PHC2: variants seen among roughly 807,000 people sequenced by gnomAD.
The protein encoded by PHC2 is polyhomeotic-like protein 2.
A neutral mutation model predicts 87.4 loss-of-function variants in PHC2; 29 were observed. The observed-to-expected ratio is 0.33, with a 90% CI of 0.25 to 0.45. PHC2 has a LOEUF of 0.45. Ranked by LOEUF, PHC2 falls within the 20% of genes least tolerant of loss-of-function variation. The pLI, the probability that PHC2 is intolerant of heterozygous loss-of-function variation, is 1.00. For missense variants in PHC2, 857 were observed against 1,136.7 expected, an observed-to-expected ratio of 0.75 and a Z score of 3.54; for synonymous variants, 438 against 461.7, an observed-to-expected ratio of 0.95 and a Z score of 0.66.
chr1:33,405,894 G>A (rs979215446), intron 1 of PHC2, among the ~76,000 whole-genome samples: 5 of 152,188 alleles, frequency 3.3e-5, no homozygotes, highest in Non-Finnish European at 7.3e-5. Flanking sequence ...GTTGACACTA[G>A]CTCTGTGATC....
rs191714985 is a variant in PHC2, at chr1:33,423,172, G to A, written c.-55+7804C>T. 5.3e-5 allele frequency among the ~76,000 whole-genome samples: 8 copies of A among 152,114 alleles called. No individual in the cohort carries two copies. In the East Asian group the frequency reaches 5.8e-4, roughly 11 times the overall value. On this transcript the variant is annotated intron_variant, in intron 1 of 14. Coordinates refer to ENST00000683057, the MANE Select transcript of PHC2 (RefSeq NM_001385109.1). ...TCCAACTGCCTCTCTGCAGGCCAGC[G>A]GAAGATACTGTGCTTGGAACATAAC... is the stretch of plus-strand genomic sequence containing the variant.
intron 1 of PHC2, among the ~76,000 whole-genome samples, chr1:33,391,408 G>T (rs2148361838): frequency 6.6e-6 from 1 of 152,312 alleles, no homozygotes; most frequent in East Asian, 1.9e-4. Context: ...ACTCAGAAAG[G>T]GGATTTGAGC....
chr1:33,372,580 GCCAATT>G, intron 2 of PHC2, 133 bp from the exon 3 acceptor site: 1 of 648,470 alleles, frequency 1.5e-6, no homozygotes, highest in Non-Finnish European at 2.4e-6. Flanking sequence ...CACCACCACA[GCCAATT>G]GTGGCCACTC....
chr1:33,413,111 C>T (rs1000195354), intron 1 of PHC2, among the ~76,000 whole-genome samples: 1 of 152,156 alleles, frequency 6.6e-6, no homozygotes, highest in African/African-American at 2.4e-5. Flanking sequence ...GGATTATAGG[C>T]ATGTGCCACC....
chr1:33,368,129 C>T lies in PHC2; in HGVS notation c.663+407G>A, dbSNP rs368002914. 3.3e-5 allele frequency among the ~76,000 whole-genome samples: 5 copies of T among 152,232 alleles called. No homozygotes were observed. Among genetic ancestry groups the T allele is most frequent in the Admixed American group, 6.5e-5 (1 of 15,290 alleles). ...TGTGCGCTCCTAGCAGAGCAGGACACGTCTCTGCTCCCTCTTACATGTCAT... is the reference window on the plus strand; with the variant it reads ...TGTGCGCTCCTAGCAGAGCAGGACATGTCTCTGCTCCCTCTTACATGTCAT... On this transcript the variant is annotated intron_variant, in intron 6 of 14. Transcript: ENST00000683057. This position sits in a 1 kb window ranked among gnomAD's most constrained non-coding sequence, Gnocchi z 6.6.
In PHC2 at chr1:33,329,008, G is replaced by A. The variant is rs1187659551; in HGVS notation, c.2287C>T (p.Arg763Trp). The A allele has an allele frequency of 4.3e-6, 7 of 1,614,218 alleles. No individual in the cohort carries two copies. The highest frequency in any genetic ancestry group is 2.5e-6 in the Non-Finnish European group (3 of 1,180,046). Residue 763 changes from arginine (R) to tryptophan (W), a missense_variant, in exon 14 of 15, where the codon CGG becomes TGG. This residue lies in a region of PHC2 where 832 missense variants were observed against 1,081.8 expected (regional missense o/e 0.77). Coordinates refer to ENST00000683057, the MANE Select transcript of PHC2 (RefSeq NM_001385109.1). Reference protein sequence around the residue: ...PISASSSTSRRRQGQRDLELP... With the variant: ...PISASSSTSRWRQGQRDLELP... ...TCCAGGTCCCGCTGGCCTTGTCGCC[G>A]GCGGGAAGTAGATGAGCTGGCTGAG...
At chr1:33,390,393 G>A (rs889826889) in intron 1 of PHC2, among the ~76,000 whole-genome samples, 4 of 152,088 alleles carry the variant, frequency 2.6e-5, no homozygotes, top group Admixed American at 6.5e-5. Context: ...CCATTAGTAC[G>A]AACTTCTGGA....
At chr1:33,397,060 C>G (rs1274975701) in intron 1 of PHC2, among the ~76,000 whole-genome samples, 1 of 152,234 alleles carries the variant, frequency 6.6e-6, no homozygotes, top group Non-Finnish European at 1.5e-5. Flanking sequence ...ATTCACCTCT[C>G]TAAGCCTTAG....
rs776663665 is a variant in PHC2, at chr1:33,354,596, C to T, written c.1393-30G>A. The T allele has an allele frequency of 2.4e-5, 38 of 1,596,348 alleles. No homozygotes were observed. The South Asian group carries it at 4.2e-4, about 18-fold the overall frequency. On this transcript the variant is annotated intron_variant, in intron 8 of 14. Coordinates refer to ENST00000683057, the MANE Select transcript of PHC2 (RefSeq NM_001385109.1). ...CAAAGGACAGGACAGAGAGGGGGGC[C>T]TCTCAGAAATAGCCTTTGCATTCTT... is the stretch of plus-strand genomic sequence containing the variant.
rs1418299840 is a variant in PHC2 at position 33,333,861 on chromosome 1, A to C, written c.1761+229T>G. On this transcript the variant is annotated intron_variant, in intron 10 of 14. Coordinates refer to ENST00000683057, the MANE Select transcript of PHC2 (RefSeq NM_001385109.1). Reference sequence around the variant, plus strand: ...GGACACACCTGAGTTTGTGTGGGAAACTTCTAACCAAGGGTCTTGTCAATT... The same window carrying C: ...GGACACACCTGAGTTTGTGTGGGAACCTTCTAACCAAGGGTCTTGTCAATT... 2.0e-5 allele frequency: 10 copies of C among 503,374 alleles called. No homozygotes were observed. In the Admixed American group the frequency reaches 3.5e-4, roughly 18 times the overall value. 31.2% of individuals were successfully genotyped at this position (503,374 alleles called of 1,614,324 possible). A position where few individuals can be genotyped will look rare whatever the true frequency, so the allele number is the denominator to read the frequency against.
At position 33,370,460 on chromosome 1, in the gene PHC2, C is replaced by T. The variant is rs1439761453; in HGVS notation, c.537G>A (p.Leu179=). The change falls in exon 5 of 15, where the codon CTG becomes CTA. Residue 179 remains leucine (L), a synonymous_variant. Coordinates refer to ENST00000683057, the MANE Select transcript of PHC2 (RefSeq NM_001385109.1). ...GATACATCTGTGCTTGGCTTGCAGT[C>T]AGGGCTGGGGAAGACGTGTTGCCCA... The part of the protein sequence containing the change: ...VLLGNTSSPA[L]TASQAQMYLR... The T allele has an allele frequency of 2.5e-6, 4 of 1,614,110 alleles. No homozygotes were observed. The highest frequency in any genetic ancestry group is 2.5e-6 in the Non-Finnish European group (3 of 1,180,000).
chr1:33,419,504 C>T (rs1279115126), intron 1 of PHC2, among the ~76,000 whole-genome samples: 1 of 152,212 alleles, frequency 6.6e-6, no homozygotes, highest in Non-Finnish European at 1.5e-5. Context: ...TTGTCTGTGT[C>T]TTCCTCTGCC....
Position 33,347,695 on chromosome 1 carries a change from G to A in PHC2, c.1558+6706C>T, listed in dbSNP as rs369012770. The A allele has an allele frequency of 4.1e-6, 4 of 985,344 alleles. No homozygotes were observed. In the African/African-American group the frequency reaches 7.0e-5, roughly 17 times the overall value. The allele number at this position is 985,344 out of a possible 1,614,324, so 61.0% of individuals were successfully genotyped here. A position where few individuals can be genotyped will look rare whatever the true frequency, so the allele number is the denominator to read the frequency against. On this transcript the variant is annotated intron_variant, in intron 9 of 14. Coordinates refer to ENST00000683057, the MANE Select transcript of PHC2 (RefSeq NM_001385109.1). Reference sequence around the variant, plus strand: ...AAGATTCAGGCTGGAGGAAAAAGATGTCTATTCTTCCCTGTGTGCATGGAC... The same window carrying A: ...AAGATTCAGGCTGGAGGAAAAAGATATCTATTCTTCCCTGTGTGCATGGAC...
chr1:33,390,498 G>A (rs1021801892), intron 1 of PHC2, among the ~76,000 whole-genome samples: 2 of 152,076 alleles, frequency 1.3e-5, no homozygotes, highest in Non-Finnish European at 2.9e-5. Context: ...CATCTCTTTT[G>A]GATTCCCACA....
rs761744207 is a variant in PHC2, at chr1:33,367,317, T to C, written c.775A>G (p.Ser259Gly). 1 of 1,613,756 alleles carries C rather than the reference T, an allele frequency of 6.2e-7. No individual in the cohort carries two copies. The highest frequency in any genetic ancestry group is 1.1e-5 in the South Asian group (1 of 91,058). Residue 259 changes from serine (S) to glycine (G), a missense_variant, in exon 7 of 15, where the codon AGC becomes GGC. Physicochemically the swap from Ser to Gly is moderately conservative, Grantham distance 56. Transcript: ENST00000683057. ...TGTGCTGGGGTAGGCAGAGGCTGGCTACCGCCCGGCGTGGGTTTCAGGGCC... is the reference window on the plus strand; with the variant it reads ...TGTGCTGGGGTAGGCAGAGGCTGGCCACCGCCCGGCGTGGGTTTCAGGGCC... Reference protein sequence around the residue: ...SLALKPTPGGSQPLPTPAQSR... With the variant: ...SLALKPTPGGGQPLPTPAQSR...
At position 33,375,424 on chromosome 1, in the gene PHC2, C is replaced by T. The variant is rs368911062; in HGVS notation, c.116G>A (p.Arg39His). The change falls in exon 2 of 15, where the codon CGC (arginine) becomes CAC (histidine). Residue 39 changes from arginine (R) to histidine (H), a missense_variant. Physicochemically the swap from Arg to His is conservative, Grantham distance 29. Around this residue, in one of 3 missense-constraint regions of PHC2, gnomAD observed 832 missense variants for 1,081.8 expected, o/e 0.77. Coordinates refer to ENST00000683057, the MANE Select transcript of PHC2 (RefSeq NM_001385109.1). ...CNNSSSGGSG[R>H]PTGPQISVYS... ...CACAGAAATCTGGGGCCCGGTGGGG[C>T]GGCCACTTCCACCACTGCTGCTGTT... 3.7e-5 allele frequency: 60 copies of T among 1,611,416 alleles called. No individual in the cohort carries two copies. The East Asian group carries it at 8.3e-4, about 22-fold the overall frequency.
Position 33,349,856 on chromosome 1 carries a change from G to A in PHC2, c.1558+4545C>T, listed in dbSNP as rs1646930163. 1 of 977,500 alleles carries A rather than the reference G, an allele frequency of 1.0e-6. No homozygotes were observed. The highest frequency in any genetic ancestry group is 4.6e-5 in the South Asian group (1 of 21,768). 60.6% of individuals were successfully genotyped at this position (977,500 alleles called of 1,614,324 possible). A position where few individuals can be genotyped will look rare whatever the true frequency, so the allele number is the denominator to read the frequency against. On this transcript the variant is annotated intron_variant, in intron 9 of 14. Coordinates refer to ENST00000683057, the MANE Select transcript of PHC2 (RefSeq NM_001385109.1). The surrounding 1 kb of genome is among the most constrained non-coding windows in gnomAD (Gnocchi z 4.2). ...GCGGCGGCCGGGGTTGCGCGCGCGC[G>A]CGCGGCGGGCGCTCGAGGGCTGCAG...
intron 1 of PHC2, among the ~76,000 whole-genome samples, chr1:33,427,275 A>G (rs922911335): frequency 1.3e-5 from 2 of 152,254 alleles, no homozygotes; most frequent in African/African-American, 4.8e-5. Flanking sequence ...CGACAGCTAC[A>G]CTATTACTGT....
intron 9 of PHC2, among the ~76,000 whole-genome samples, chr1:33,343,721 G>A (rs1646791950): frequency 6.6e-6 from 1 of 152,172 alleles, no homozygotes; most frequent in Admixed American, 6.5e-5. Context: ...CTCTTTCACT[G>A]AGTCTGGCCT....
Sources: allele counts gnomAD v4.1 joint callset (sites outside exome capture counted in the v4.1 genomes callset), GRCh38; gene constraint gnomAD v4.1.1; regional missense constraint gnomAD v4.1.1; non-coding constraint Gnocchi (gnomAD v3.1); transcripts MANE v1.5; gene names NCBI Gene and HGNC (gene_info 2026-07-23, HGNC 2026-07-21).